Variants in GPC3 observed in about 807,000 individuals in gnomAD.
The protein encoded by GPC3 is glypican 3, also known as glypican-3.
GPC3 carries 3 observed loss-of-function variants against 34.4 expected under a neutral mutation model. The ratio of observed to expected loss-of-function variants is 0.09; its 90% confidence interval spans 0.04 to 0.23. The LOEUF is 0.23. Ranked by LOEUF, GPC3 falls within the 10% of genes least tolerant of loss-of-function variation. GPC3 has a pLI of 1.00. For missense variants in GPC3, 351 were observed against 445.6 expected (o/e 0.79, Z 1.91); for synonymous variants, 177 against 174.0 (o/e 1.02, Z -0.13).
intron 6 of GPC3, among the ~76,000 whole-genome samples, chrX:133,615,259 C>T (rs1378014267): frequency 9.0e-6 from 1 of 111,240 alleles, no homozygotes; most frequent in Non-Finnish European, 1.9e-5. Context: ...AACTACAGAT[C>T]AAAGTGTTGT....
chrX:133,661,577 TC>T (rs1235161351), intron 6 of GPC3, among the ~76,000 whole-genome samples, 152 bp downstream of exon 6: 5 of 8,279 alleles, frequency 6.0e-4, no homozygotes, highest in Non-Finnish European at 1.2e-3. Flanking sequence ...TTTCTCTCTC[TC>T]TCTCTCTCTC....
intron 2 of GPC3, among the ~76,000 whole-genome samples, chrX:133,793,436 T>G (rs1172970025): frequency 1.8e-5 from 2 of 111,990 alleles, no homozygotes; most frequent in Non-Finnish European, 3.8e-5. Flanking sequence ...ATGTATGCAT[T>G]TAAGTTTGAC....
intron 2 of GPC3, among the ~76,000 whole-genome samples, chrX:133,892,386 G>A (rs759673312): frequency 3.6e-5 from 4 of 110,622 alleles, no homozygotes; most frequent in African/African-American, 6.6e-5. Context: ...TGCTGCTCCC[G>A]TGGGCACCTC....
At chrX:133,708,852 T>C (rs1214193468) in intron 3 of GPC3, among the ~76,000 whole-genome samples, 1 of 112,193 alleles carries the variant, frequency 8.9e-6, no homozygotes, top group African/African-American at 3.2e-5. Flanking sequence ...AAATAATGTG[T>C]ATGCTCTGTT....
At chrX:133,583,057 C>T (rs1305293426) in intron 7 of GPC3, among the ~76,000 whole-genome samples, 3 of 111,466 alleles carry the variant, frequency 2.7e-5, no homozygotes, top group South Asian at 3.8e-4. Context: ...CTCTGCCATT[C>T]GTAAGGATCC....
At chrX:133,638,945 G>A (rs1256676017) in intron 6 of GPC3, among the ~76,000 whole-genome samples, 2 of 111,507 alleles carry the variant, frequency 1.8e-5, no homozygotes, top group Non-Finnish European at 3.8e-5. Flanking sequence ...GCCGTGGGTT[G>A]GACAAGCTTG....
chrX:133,943,864 C>G (rs2076355597), intron 2 of GPC3, among the ~76,000 whole-genome samples: 1 of 111,646 alleles, frequency 9.0e-6, no homozygotes, highest in South Asian at 3.8e-4. Context: ...GAGGCAGAGG[C>G]TTAGAGAAAC....
At position 133,932,270 on chromosome X, in the gene GPC3, A is replaced by G. The variant is rs2076301975; in HGVS notation, c.337+20780T>C. Among the ~76,000 whole-genome samples, 5 of 112,531 alleles carry G rather than the reference A, an allele frequency of 4.4e-5. No individual in the cohort carries two copies. In the South Asian group the frequency reaches 1.8e-3, roughly 42 times the overall value. ...ACTCCCTTAATGCCTCCACTGGGCT[A>G]TAGCTTTGCTATTGTTGTTTGGTTT... On this transcript the variant is annotated intron_variant, in intron 2 of 7. Transcript: ENST00000370818.
At chrX:133,851,621 C>T (rs2075874068) in intron 2 of GPC3, among the ~76,000 whole-genome samples, 1 of 112,031 alleles carries the variant, frequency 8.9e-6, no homozygotes, top group Non-Finnish European at 1.9e-5. Context: ...TTTCCAATGG[C>T]ATTAGTATAA....
At chrX:133,933,566 T>C (rs961261174) in intron 2 of GPC3, among the ~76,000 whole-genome samples, 15 of 111,017 alleles carry the variant, frequency 1.4e-4, no homozygotes, top group Admixed American at 7.7e-4. Context: ...TAATCCCCAA[T>C]GCTGGAGGTG....
chrX:133,808,384 T>TG (rs1185674492), intron 2 of GPC3, among the ~76,000 whole-genome samples: 2 of 112,227 alleles, frequency 1.8e-5, no homozygotes, highest in East Asian at 2.8e-4. Flanking sequence ...GGAAATAAAA[T>TG]GGGGGGTTAT....
chrX:133,600,075 C>T (rs2069963875), intron 6 of GPC3, among the ~76,000 whole-genome samples: 1 of 111,782 alleles, frequency 8.9e-6, no homozygotes, highest in African/African-American at 3.3e-5. Context: ...CATATGACTT[C>T]TCTCCACCAC....
chrX:133,960,524 T>C (rs191991793), intron 1 of GPC3, among the ~76,000 whole-genome samples: 2 of 111,767 alleles, frequency 1.8e-5, no homozygotes, highest in Admixed American at 9.5e-5. Flanking sequence ...AAAATATTAA[T>C]GTAGACCTTG....
intron 6 of GPC3, among the ~76,000 whole-genome samples, chrX:133,625,288 T>G (rs1265355192): frequency 2.7e-5 from 3 of 111,690 alleles, no homozygotes; most frequent in African/African-American, 9.8e-5. Flanking sequence ...CCACTCCTAT[T>G]CAACATAGTG....
intron 2 of GPC3, among the ~76,000 whole-genome samples, chrX:133,845,224 G>A (rs190259366): frequency 4.5e-5 from 5 of 111,824 alleles, no homozygotes; most frequent in African/African-American, 1.6e-4. Flanking sequence ...TGAAAACTGC[G>A]AGGAATCAGA....
intron 2 of GPC3, among the ~76,000 whole-genome samples, chrX:133,759,478 A>T (rs1007686131): frequency 1.8e-5 from 2 of 112,170 alleles, no homozygotes; most frequent in African/African-American, 6.5e-5. Context: ...TAATCAACTG[A>T]TCTTTGACAA....
intron 2 of GPC3, among the ~76,000 whole-genome samples, chrX:133,858,029 T>C (rs2075913901): frequency 8.9e-6 from 1 of 111,736 alleles, no homozygotes; most frequent in African/African-American, 3.3e-5. Flanking sequence ...GGAGATCAGG[T>C]TGTGATCAGG....
At chrX:133,667,965 G>C (rs886384892) in intron 5 of GPC3, among the ~76,000 whole-genome samples, 2 of 105,894 alleles carry the variant, frequency 1.9e-5, no homozygotes, top group Non-Finnish European at 3.9e-5. Flanking sequence ...GCAATGGTGC[G>C]ATCTCGGCTC....
At chrX:133,589,656 C>A (rs2069827380) in intron 7 of GPC3, among the ~76,000 whole-genome samples, 1 of 111,449 alleles carries the variant, frequency 9.0e-6, no homozygotes, top group Non-Finnish European at 1.9e-5. Context: ...TGTGCCTTTG[C>A]TCTCCCTTCA....
Sources: gnomAD v4.1 joint callset for allele counts (sites outside exome capture counted in the v4.1 genomes callset) on GRCh38, gnomAD v4.1.1 for gene constraint, MANE v1.5 for transcripts, NCBI Gene and HGNC (gene_info 2026-07-23, HGNC 2026-07-21) for gene names.